Variants in TBCK observed in about 807,000 individuals in gnomAD.
The protein encoded by TBCK is TBC1 domain containing kinase.
Under a neutral mutation model 113.4 loss-of-function variants are expected in TBCK, and 99 were observed. The observed-to-expected ratio is 0.87, with a 90% CI of 0.74 to 1.03. The LOEUF is 1.03. Among genes scored for constraint, TBCK ranks in the 50% least tolerant of loss-of-function variants. The pLI is 0.00. For missense variants in TBCK, 1,045 were observed against 1,061.3 expected (o/e 0.98, Z 0.21); for synonymous variants, 369 against 370.8 (o/e 1.00, Z 0.05).
At chr4:106,131,646 G>A (rs1745945771) in intron 23 of TBCK, among the ~76,000 whole-genome samples, 1 of 152,108 alleles carries the variant, frequency 6.6e-6, no homozygotes, top group African/African-American at 2.4e-5. Context: ...CAGCAAATTG[G>A]TACCAGTAGA....
rs1752123891 is a variant in TBCK, at chr4:106,179,826, T to C, written c.2060-8556A>G. On this transcript the variant is annotated intron_variant, in intron 22 of 25. Transcript: ENST00000394708. ...TCTGTCTGGATGACCTGTGTATTGC[T>C]AGAAGTGGGGTGCTGAGTCCCCTTC... Among the ~76,000 whole-genome samples the C allele has an allele frequency of 2.0e-5, 3 of 152,048 alleles. No homozygotes were observed. The South Asian group carries it at 6.2e-4, about 32-fold the overall frequency.
Position 106,145,900 on chromosome 4 carries a change from G to A in TBCK, c.2235+25195C>T, listed in dbSNP as rs188977053. Among the ~76,000 whole-genome samples the A allele has an allele frequency of 3.3e-5, 5 of 152,174 alleles. No homozygotes were observed. The East Asian group carries it at 7.7e-4, about 24-fold the overall frequency. ...TTACTAAAAAGTCAAAAAAACAGATGCTGGCAAGGTTGTAGAGAAAAGGGA... is the reference window on the plus strand; with the variant it reads ...TTACTAAAAAGTCAAAAAAACAGATACTGGCAAGGTTGTAGAGAAAAGGGA... On this transcript the variant is annotated intron_variant, in intron 23 of 25. Coordinates refer to ENST00000394708, the MANE Select transcript of TBCK (RefSeq NM_001163435.3).
chr4:106,086,214 G>T (rs1393547688), intron 25 of TBCK, among the ~76,000 whole-genome samples: 1 of 151,782 alleles, frequency 6.6e-6, no homozygotes, highest in African/African-American at 2.4e-5. Context: ...AAAGAGAGAA[G>T]AATCAAATAG....
At chr4:106,194,670 T>C in intron 21 of TBCK, 48 bp downstream of exon 21, 2 of 1,481,530 alleles carry the variant, frequency 1.3e-6, no homozygotes, top group East Asian at 4.7e-5. Context: ...CATCGGGCTG[T>C]CCTTTTGCTA....
chr4:106,061,751 G>A (rs549605795), intron 25 of TBCK, among the ~76,000 whole-genome samples: 33 of 151,434 alleles, frequency 2.2e-4, no homozygotes, highest in African/African-American at 7.5e-4. Flanking sequence ...CTCTTCTTCC[G>A]TTATCCTTTC....
At chr4:106,067,846 T>G (rs1054720250) in intron 25 of TBCK, among the ~76,000 whole-genome samples, 4 of 152,198 alleles carry the variant, frequency 2.6e-5, no homozygotes, top group African/African-American at 9.6e-5. Context: ...ATTCCATTGG[T>G]CTATATGTCT....
rs2149438698 is a variant in TBCK, at chr4:106,046,577, T to G, written c.2675A>C (p.Gln892Pro). Residue 892 changes from glutamine to proline, a missense_variant, in exon 26 of 26, where the codon CAA (glutamine) becomes CCA (proline). Transcript: ENST00000394708. ...AGTCACACTCTTGGTTCTTCATATT[T>G]GAGGAGATGGGATGGTGAGGAGGCC... ...PTGLLTIPSP[Q>P]I is the part of the protein sequence containing the mutation. 6.3e-7 allele frequency: 1 copy of G among 1,588,742 alleles called. No individual in the cohort carries two copies. The highest frequency in any genetic ancestry group is 1.1e-5 in the South Asian group (1 of 90,514).
At chr4:106,283,044 T>C (rs537442761) in intron 3 of TBCK, among the ~76,000 whole-genome samples, 1 of 152,262 alleles carries the variant, frequency 6.6e-6, no homozygotes, top group African/African-American at 2.4e-5. Flanking sequence ...TTAAAAAACA[T>C]TTCTAGGAAT....
chr4:106,270,622 T>C (rs1216308599), intron 3 of TBCK, among the ~76,000 whole-genome samples: 1 of 152,212 alleles, frequency 6.6e-6, no homozygotes, highest in African/African-American at 2.4e-5. Context: ...CAAATTTCTA[T>C]TACTGTTCAG....
intron 3 of TBCK, among the ~76,000 whole-genome samples, chr4:106,270,562 T>C (rs1241790084): frequency 1.3e-5 from 2 of 152,162 alleles, no homozygotes; most frequent in African/African-American, 4.8e-5. Context: ...TCCAAAGTTG[T>C]TTTTTAAATT....
chr4:106,181,726 A>G (rs1439440543), intron 22 of TBCK, among the ~76,000 whole-genome samples: 4 of 152,072 alleles, frequency 2.6e-5, no homozygotes, highest in African/African-American at 9.7e-5. Flanking sequence ...CTATTGGTCT[A>G]TATATCTGTT....
At chr4:106,266,276 C>T (rs1207344489) in intron 3 of TBCK, among the ~76,000 whole-genome samples, 1 of 151,636 alleles carries the variant, frequency 6.6e-6, no homozygotes, top group East Asian at 1.9e-4. Context: ...GTTTTATGAA[C>T]TCATTTGGCT....
In TBCK at chr4:106,296,838, GAAAAAAAGAAA is replaced by G. The variant is rs150193002; in HGVS notation, c.194-1683_194-1673del. Among the ~76,000 whole-genome samples the G allele has an allele frequency of 5.8e-3, 880 of 151,388 alleles. 5 individuals carry two copies. The highest frequency in any genetic ancestry group is 0.019 in the African/African-American group (776 of 41,360). ...TTAACTTTAAAAGAACACTTAATGA[GAAAAAAAGAAA>G]AAGAAAAGGAAACCATGCAATAAAA... On this transcript the variant is annotated intron_variant, in intron 2 of 25. Coordinates refer to ENST00000394708, the MANE Select transcript of TBCK (RefSeq NM_001163435.3).
At chr4:106,278,147 T>C (rs1764203511) in intron 3 of TBCK, among the ~76,000 whole-genome samples, 1 of 152,174 alleles carries the variant, frequency 6.6e-6, no homozygotes, top group Admixed American at 6.5e-5. Flanking sequence ...CATTTTCAGA[T>C]GACCAAAATC....
chr4:106,140,132 GTTTAC>G lies in TBCK; in HGVS notation c.2236-23759_2236-23755del, dbSNP rs1263419573. 6.4e-5 allele frequency among the ~76,000 whole-genome samples: 9 copies of G among 139,938 alleles called. 1 individual carries two copies. The highest frequency in any genetic ancestry group is 2.1e-4 in the Admixed American group (3 of 14,168). 91.8% of individuals were successfully genotyped at this position (139,938 alleles called of 152,430 possible). On this transcript the variant is annotated intron_variant, in intron 23 of 25. Coordinates refer to ENST00000394708, the MANE Select transcript of TBCK (RefSeq NM_001163435.3). ...AAAAGGTCTTCATATCTTCCTGTTG[GTTTAC>G]TTTAATATGCAATAAAAGGTAATCT...
intron 23 of TBCK, among the ~76,000 whole-genome samples, chr4:106,165,493 G>A (rs1446883282): frequency 6.6e-6 from 1 of 151,680 alleles, no homozygotes; most frequent in Non-Finnish European, 1.5e-5. Flanking sequence ...TTTTATAGTG[G>A]TTTCTAAATG....
chr4:106,071,204 A>C (rs752139826), intron 25 of TBCK, among the ~76,000 whole-genome samples: 1 of 152,140 alleles, frequency 6.6e-6, no homozygotes, highest in Admixed American at 6.5e-5. Flanking sequence ...TGTCGATTTT[A>C]GATCTTTCCT....
At chr4:106,305,006 T>C (rs117961795) in intron 2 of TBCK, among the ~76,000 whole-genome samples, 1 of 152,312 alleles carries the variant, frequency 6.6e-6, no homozygotes, top group East Asian at 1.9e-4. Context: ...TCTAACTACC[T>C]CCATGAGTTG....
chr4:106,083,514 G>C (rs1159418473), intron 25 of TBCK, among the ~76,000 whole-genome samples: 1 of 152,232 alleles, frequency 6.6e-6, no homozygotes, highest in Non-Finnish European at 1.5e-5. Context: ...CCTCCTGGTA[G>C]TTCTGAGGAA....
Sources: allele counts gnomAD v4.1 joint callset (sites outside exome capture counted in the v4.1 genomes callset), GRCh38; gene constraint gnomAD v4.1.1; transcripts MANE v1.5; gene names NCBI Gene and HGNC (gene_info 2026-07-23, HGNC 2026-07-21).